The following OPCML variants were observed in gnomAD, a reference collection of about 807,000 sequenced individuals.
OPCML encodes opioid binding protein/cell adhesion molecule like, also known as opioid-binding protein/cell adhesion molecule.
A neutral mutation model predicts 37.8 loss-of-function variants in OPCML; 13 were observed. That is an observed-to-expected ratio of 0.34 (90% CI 0.22 to 0.55). The LOEUF is 0.55. OPCML is among the 20% of genes least tolerant of loss of function. The pLI, the probability that OPCML is intolerant of heterozygous loss-of-function variation, is 0.91. For missense variants in OPCML, 341 were observed against 435.6 expected, an observed-to-expected ratio of 0.78 and a Z score of 1.93; for synonymous variants, 176 against 168.8, an observed-to-expected ratio of 1.04 and a Z score of -0.33.
At chr11:132,694,692 C>T (rs527788743) in intron 2 of OPCML, among the ~76,000 whole-genome samples, 1 of 152,328 alleles carries the variant, frequency 6.6e-6, no homozygotes, top group East Asian at 1.9e-4. Flanking sequence ...AGATAAAACA[C>T]ATCTTTCTAG....
intron 3 of OPCML, among the ~76,000 whole-genome samples, chr11:132,636,257 T>A (rs1591653376): frequency 6.6e-6 from 1 of 152,358 alleles, no homozygotes; most frequent in Non-Finnish European, 1.5e-5. Flanking sequence ...AACTTTGCAA[T>A]GAATAGTTAT....
chr11:133,141,048 C>CGAAGAAGAAGAAGAAGAAGAAGAAGAA lies in OPCML; in HGVS notation c.62-198065_62-198039dup, dbSNP rs1161324241. Among the ~76,000 whole-genome samples the CGAAGAAGAAGAAGAAGAAGAAGAAGAA allele has an allele frequency of 6.2e-3, 36 of 5,788 alleles. 13 individuals are homozygous for CGAAGAAGAAGAAGAAGAAGAAGAAGAA. Among genetic ancestry groups the CGAAGAAGAAGAAGAAGAAGAAGAAGAA allele is most frequent in the Admixed American group, 0.015 (4 of 270 alleles). The allele number at this position is 5,788 out of a possible 152,430, so 3.8% of individuals were successfully genotyped here. ...ACGACGACGACGACGACGACGACGA[C>CGAAGAAGAAGAAGAAGAAGAAGAAGAA]GAAGAAGAAGAAGAAGAAGAAGAAG... On this transcript the variant is annotated intron_variant, in intron 1 of 7. Transcript: ENST00000524381.
chr11:133,289,361 C>T (rs938811871), intron 1 of OPCML, among the ~76,000 whole-genome samples: 7 of 151,820 alleles, frequency 4.6e-5, no homozygotes, highest in African/African-American at 7.3e-5. Context: ...TTTGGGAGGC[C>T]GAGGCGGGCG....
rs754907284 is a variant in OPCML at position 133,188,467 on chromosome 11, AAAAAGGAAAAAT to A, written c.62-245469_62-245458del. Among the ~76,000 whole-genome samples, 138 of 152,326 alleles carry A rather than the reference AAAAAGGAAAAAT, an allele frequency of 9.1e-4. 2 individuals are homozygous for A. The highest frequency in any genetic ancestry group is 6.8e-3 in the Middle Eastern group (2 of 294). On this transcript the variant is annotated intron_variant, in intron 1 of 7. Transcript: ENST00000524381. Reference sequence around the variant, plus strand: ...GATCCACATTGTTACAGGTTAATTCAAAAAGGAAAAATAAAAGGGAAAATAATCTTCACTTCC... The same window carrying A: ...GATCCACATTGTTACAGGTTAATTCAAAAAGGGAAAATAATCTTCACTTCC...
At chr11:133,004,029 C>T in intron 1 of OPCML, 2 of 985,414 alleles carry the variant, frequency 2.0e-6, no homozygotes, top group Non-Finnish European at 2.4e-6. Flanking sequence ...GCTCTGGAGT[C>T]AGGCGGAAAT....
In OPCML at chr11:132,420,194, C is replaced by A. The variant is rs1349042868; in HGVS notation, c.1016G>T (p.Ter339LeuextTer1). ...GCTCAGAGGACCTAGGATTTCTTAT[C>A]AAAACTTGATGAAGAAGTGGGCTAA... ...TLLAHFFIKF[*>L] is the part of the protein sequence containing the mutation. The change falls in exon 8 of 8, where the codon TGA becomes TTA. Residue 339 changes from the stop codon to leucine, a stop_lost. Transcript: ENST00000524381. 6.2e-7 allele frequency: 1 copy of A among 1,613,768 alleles called. No individual in the cohort carries two copies. The highest frequency in any genetic ancestry group is 1.7e-5 in the Admixed American group (1 of 60,006).
chr11:133,306,422 T>C (rs924938626), intron 1 of OPCML, among the ~76,000 whole-genome samples: 1 of 152,190 alleles, frequency 6.6e-6, no homozygotes, highest in South Asian at 2.1e-4. Flanking sequence ...TTTTGAATAA[T>C]GATTTGACGC....
intron 6 of OPCML, 132 bp downstream of exon 6, chr11:132,436,527 G>T: frequency 1.4e-6 from 2 of 1,455,112 alleles, no homozygotes; most frequent in African/African-American, 1.4e-5. Context: ...AATAGACTTT[G>T]TTACAAAAGA....
Position 132,943,827 on chromosome 11 carries a change from G to C in OPCML, c.62-817C>G, listed in dbSNP as rs928868045. On this transcript the variant is annotated intron_variant, in intron 1 of 7. Coordinates refer to ENST00000524381, the MANE Select transcript of OPCML (RefSeq NM_001012393.5). The surrounding 1 kb of genome is among the most constrained non-coding windows in gnomAD (Gnocchi z 4.3). ...CGGCCCCCGCCTCCTCCGGGGACGC[G>C]GCACGAGACGCGGGGACGCGCGGAC... 1.4e-4 allele frequency: 21 copies of C among 150,354 alleles called. No homozygotes were observed. The highest frequency in any genetic ancestry group is 1.9e-4 in the African/African-American group (8 of 41,206). 9.3% of individuals were successfully genotyped at this position (150,354 alleles called of 1,614,324 possible). A position where few individuals can be genotyped will look rare whatever the true frequency, so the allele number is the denominator to read the frequency against.
intron 1 of OPCML, among the ~76,000 whole-genome samples, chr11:133,327,719 C>A (rs1268134565): frequency 6.6e-6 from 1 of 152,192 alleles, no homozygotes; most frequent in Non-Finnish European, 1.5e-5. Context: ...GAAGCCTCCA[C>A]TTCCTTTGAT....
chr11:132,744,679 C>T (rs1284561182), intron 2 of OPCML, among the ~76,000 whole-genome samples: 6 of 152,176 alleles, frequency 3.9e-5, no homozygotes, highest in East Asian at 1.9e-4. Flanking sequence ...GAGAGCCATA[C>T]GTGAGACTCC....
In OPCML at chr11:133,177,074, C is replaced by T. The variant is rs943924792; in HGVS notation, c.62-234064G>A. Among the ~76,000 whole-genome samples, 2 of 152,180 alleles carry T rather than the reference C, an allele frequency of 1.3e-5. No individual in the cohort carries two copies. The highest frequency in any genetic ancestry group is 2.9e-5 in the Non-Finnish European group (2 of 68,034). On this transcript the variant is annotated intron_variant, in intron 1 of 7. Coordinates refer to ENST00000524381, the MANE Select transcript of OPCML (RefSeq NM_001012393.5). The surrounding 1 kb of genome is among the most constrained non-coding windows in gnomAD (Gnocchi z 5.0). The stretch of plus-strand genomic sequence containing the variant: ...ACCAAGTTGCTCAGCACCTTCAGAG[C>T]AATGGTCCAAGGGCCAGGTGTCACC...
chr11:132,762,658 G>A (rs111569268), intron 2 of OPCML, among the ~76,000 whole-genome samples: 3,597 of 152,172 alleles, frequency 0.024, 68 homozygotes, highest in Middle Eastern at 0.061. Flanking sequence ...GTGGATGCCC[G>A]TCCCCCCACC....
chr11:132,475,267 G>C (rs1336185744), intron 4 of OPCML, among the ~76,000 whole-genome samples: 1 of 152,198 alleles, frequency 6.6e-6, no homozygotes, highest in Non-Finnish European at 1.5e-5. Context: ...TTTTTCTTAA[G>C]TGAGTCAGTG....
intron 1 of OPCML, among the ~76,000 whole-genome samples, chr11:133,201,438 T>C (rs1170112189): frequency 6.6e-6 from 1 of 152,088 alleles, no homozygotes; most frequent in Non-Finnish European, 1.5e-5. Context: ...CAAATCAAGA[T>C]GGTCAAACGT....
chr11:132,634,121 A>T (rs1176717723), intron 3 of OPCML, among the ~76,000 whole-genome samples: 1 of 152,180 alleles, frequency 6.6e-6, no homozygotes, highest in Non-Finnish European at 1.5e-5. Context: ...GCTGCTCCAG[A>T]TAGCTGCCCT....
intron 1 of OPCML, among the ~76,000 whole-genome samples, chr11:133,296,416 G>C (rs1210751367): frequency 6.6e-6 from 1 of 152,156 alleles, no homozygotes; most frequent in Admixed American, 6.5e-5. Context: ...TGTGGAGTGA[G>C]GTTCATGATT....
intron 1 of OPCML, among the ~76,000 whole-genome samples, chr11:133,355,515 G>A (rs1214159562): frequency 1.3e-5 from 2 of 152,154 alleles, no homozygotes; most frequent in African/African-American, 4.8e-5. Flanking sequence ...GTCATTCAGA[G>A]CAAAACTAGC....
chr11:133,127,974 A>G (rs1416697636), intron 1 of OPCML, among the ~76,000 whole-genome samples: 2 of 152,080 alleles, frequency 1.3e-5, no homozygotes, highest in African/African-American at 4.8e-5. Flanking sequence ...GTGGTTTTTA[A>G]GATAGGCTGG....
Sources: gnomAD v4.1 joint callset for allele counts (sites outside exome capture counted in the v4.1 genomes callset) on GRCh38, gnomAD v4.1.1 for gene constraint, Gnocchi (gnomAD v3.1) non-coding constraint, MANE v1.5 for transcripts, NCBI Gene and HGNC (gene_info 2026-07-23, HGNC 2026-07-21) for gene names.